The following AGBL4 variants were observed in gnomAD, a reference collection of about 807,000 sequenced individuals.
The protein encoded by AGBL4 is AGBL carboxypeptidase 4.
AGBL4 carries 58 observed loss-of-function variants against 66.4 expected under a neutral mutation model. The observed-to-expected ratio is 0.87, with a 90% CI of 0.71 to 1.09. AGBL4 has a LOEUF of 1.09. Ranked by LOEUF, AGBL4 falls within the 50% of genes least tolerant of loss-of-function variation. The pLI, the probability that AGBL4 is intolerant of heterozygous loss-of-function variation, is 0.00. For synonymous variants in AGBL4, 234 were observed against 222.9 expected, an observed-to-expected ratio of 1.05 and a Z score of -0.44; for missense variants, 579 against 631.0, an observed-to-expected ratio of 0.92 and a Z score of 0.88.
intron 3 of AGBL4, among the ~76,000 whole-genome samples, chr1:49,341,166 G>A (rs796923725): frequency 3.3e-5 from 5 of 152,062 alleles, no homozygotes; most frequent in African/African-American, 1.2e-4. Context: ...TTACTCTGTG[G>A]ACTCCCCTTG....
At chr1:49,274,877 T>A (rs1248409491) in intron 3 of AGBL4, among the ~76,000 whole-genome samples, 2 of 152,184 alleles carry the variant, frequency 1.3e-5, no homozygotes, top group African/African-American at 4.8e-5. Context: ...ACATTGCTGA[T>A]TCCTTTTATG....
rs1456569010 is a variant in AGBL4, at chr1:49,523,987, CATG to C, written c.282+173323_282+173325del. The stretch of plus-strand genomic sequence containing the variant: ...TCATCATCATCATCATCATCATCAT[CATG>C]AAGACAGCACTAACAATTTCTTGAG... On this transcript the variant is annotated intron_variant, in intron 3 of 13. Coordinates refer to ENST00000371839, the MANE Select transcript of AGBL4 (RefSeq NM_032785.4). 7.3e-5 allele frequency among the ~76,000 whole-genome samples: 11 copies of C among 151,686 alleles called. No homozygotes were observed. In the East Asian group the frequency reaches 1.6e-3, roughly 21 times the overall value.
chr1:48,898,183 CT>C (rs1371922574), intron 5 of AGBL4, among the ~76,000 whole-genome samples: 1 of 152,004 alleles, frequency 6.6e-6, no homozygotes, highest in Non-Finnish European at 1.5e-5. Flanking sequence ...ATTGTTTAGT[CT>C]CTTTGTTCTG....
chr1:49,110,021 T>C (rs1043793213), intron 4 of AGBL4, among the ~76,000 whole-genome samples: 3 of 152,240 alleles, frequency 2.0e-5, no homozygotes, highest in African/African-American at 7.2e-5. Flanking sequence ...CAATCTCAGA[T>C]GTCCATATTG....
intron 2 of AGBL4, among the ~76,000 whole-genome samples, chr1:49,777,901 G>A (rs1386257207): frequency 6.6e-6 from 1 of 152,150 alleles, no homozygotes; most frequent in Non-Finnish European, 1.5e-5. Flanking sequence ...GAAACATTTA[G>A]TCACAAAGAT....
intron 5 of AGBL4, among the ~76,000 whole-genome samples, chr1:49,000,466 T>C (rs1661318492): frequency 6.6e-6 from 1 of 152,210 alleles, no homozygotes; most frequent in South Asian, 2.1e-4. Flanking sequence ...CCAGCATACC[T>C]TGTAAATTCA....
chr1:48,679,311 TG>T (rs1360314194), intron 6 of AGBL4, among the ~76,000 whole-genome samples: 2 of 152,206 alleles, frequency 1.3e-5, no homozygotes, highest in Admixed American at 6.5e-5. Flanking sequence ...CAGACAGGCC[TG>T]GGTTCAAATT....
chr1:50,012,107 G>C (rs997102923), intron 1 of AGBL4, among the ~76,000 whole-genome samples: 1 of 151,484 alleles, frequency 6.6e-6, no homozygotes, highest in Admixed American at 6.6e-5. Flanking sequence ...TGCAGTGAGC[G>C]GAGATTGCGC....
At chr1:49,685,390 G>T (rs1482431303) in intron 3 of AGBL4, among the ~76,000 whole-genome samples, 1 of 152,090 alleles carries the variant, frequency 6.6e-6, no homozygotes, top group African/African-American at 2.4e-5. Flanking sequence ...TATGGTAGAA[G>T]GATTTATATT....
intron 2 of AGBL4, among the ~76,000 whole-genome samples, chr1:49,785,190 G>C (rs1197194254): frequency 6.6e-6 from 1 of 151,994 alleles, no homozygotes; most frequent in East Asian, 1.9e-4. Flanking sequence ...GAAGGTGAGA[G>C]ATAGACAGAA....
chr1:49,419,885 G>A (rs1645506017), intron 3 of AGBL4, among the ~76,000 whole-genome samples: 1 of 152,150 alleles, frequency 6.6e-6, no homozygotes, highest in African/African-American at 2.4e-5. Context: ...CCCTGCATAG[G>A]TGATATAAAG....
At chr1:48,970,184 C>T (rs1658790707) in intron 5 of AGBL4, among the ~76,000 whole-genome samples, 1 of 152,076 alleles carries the variant, frequency 6.6e-6, no homozygotes, top group South Asian at 2.1e-4. Flanking sequence ...AGGTCAGCAC[C>T]AGAAAGGAGA....
At chr1:49,978,420 G>A (rs931970133) in intron 1 of AGBL4, among the ~76,000 whole-genome samples, 1 of 152,084 alleles carries the variant, frequency 6.6e-6, no homozygotes, top group Non-Finnish European at 1.5e-5. Context: ...CTCTAGCCTA[G>A]GCAACAGAGA....
intron 11 of AGBL4, among the ~76,000 whole-genome samples, chr1:48,564,098 A>G (rs1192529170): frequency 2.0e-5 from 3 of 152,074 alleles, no homozygotes; most frequent in Non-Finnish European, 4.4e-5. Flanking sequence ...TCCACCTCAG[A>G]CATGACTTTC....
At position 49,137,395 on chromosome 1, in the gene AGBL4, C is replaced by T. The variant is rs1646032559; in HGVS notation, c.378-91595G>A. On this transcript the variant is annotated intron_variant, in intron 4 of 13. Coordinates refer to ENST00000371839, the MANE Select transcript of AGBL4 (RefSeq NM_032785.4). ...GAAGTGGAAGATGCTGGTGTGGGAA[C>T]ACTAGGAAGAATCCTTACAGGGGAT... Among the ~76,000 whole-genome samples, 3 of 152,086 alleles carry T rather than the reference C, an allele frequency of 2.0e-5. No individual in the cohort carries two copies. The South Asian group carries it at 6.2e-4, about 31-fold the overall frequency.
At chr1:49,086,461 C>T (rs1039784810) in intron 4 of AGBL4, among the ~76,000 whole-genome samples, 13 of 152,010 alleles carry the variant, frequency 8.6e-5, no homozygotes, top group African/African-American at 3.1e-4. Flanking sequence ...TCAGTGGCCC[C>T]ACTTCTGTGT....
In AGBL4 at chr1:49,379,401, T is replaced by C. The variant is rs144518942; in HGVS notation, c.283-133537A>G. Among the ~76,000 whole-genome samples the C allele has an allele frequency of 6.5e-3, 983 of 152,260 alleles. 6 individuals carry two copies. Among genetic ancestry groups the C allele is most frequent in the Middle Eastern group, 0.031 (9 of 294 alleles). ...AGAACTGCCTGGCACAGAATGGGAATCCATGCCCGTTTTGGCTACATGTCT... is the reference window on the plus strand; with the variant it reads ...AGAACTGCCTGGCACAGAATGGGAACCCATGCCCGTTTTGGCTACATGTCT... On this transcript the variant is annotated intron_variant, in intron 3 of 13. Coordinates refer to ENST00000371839, the MANE Select transcript of AGBL4 (RefSeq NM_032785.4).
intron 4 of AGBL4, among the ~76,000 whole-genome samples, chr1:49,170,300 A>G (rs1646713137): frequency 6.9e-6 from 1 of 144,838 alleles, no homozygotes; most frequent in African/African-American, 2.5e-5. Flanking sequence ...TTATATTCAT[A>G]TAAATATGTT....
intron 9 of AGBL4, among the ~76,000 whole-genome samples, chr1:48,613,360 A>G (rs1352906900): frequency 1.3e-5 from 2 of 152,182 alleles, no homozygotes; most frequent in Non-Finnish European, 2.9e-5. Context: ...TTAAACAATC[A>G]GAAACTGGGG....
Sources: allele counts gnomAD v4.1 joint callset (sites outside exome capture counted in the v4.1 genomes callset), GRCh38; gene constraint gnomAD v4.1.1; transcripts MANE v1.5; gene names NCBI Gene and HGNC (gene_info 2026-07-23, HGNC 2026-07-21).